Variants in KAZN observed in about 807,000 individuals in gnomAD.
KAZN encodes kazrin.
KAZN carries 40 observed loss-of-function variants against 87.4 expected under a neutral mutation model. The observed-to-expected ratio is 0.46, with a 90% CI of 0.36 to 0.60. The LOEUF (loss-of-function observed/expected upper bound fraction) is 0.60. KAZN is among the 20% of genes least tolerant of loss of function. The pLI is 0.00. For synonymous variants in KAZN, 466 were observed against 458.3 expected (o/e 1.02, Z -0.22); for missense variants, 898 against 1,073.9 (o/e 0.84, Z 2.29).
chr1:14,141,113 A>G (rs1410230029), intron 1 of KAZN, among the ~76,000 whole-genome samples: 2 of 151,996 alleles, frequency 1.3e-5, no homozygotes, highest in Non-Finnish European at 2.9e-5. Context: ...TCTCCTGGCA[A>G]GCTGTTTCTA....
chr1:14,415,471 G>A (rs531935332), intron 2 of KAZN, among the ~76,000 whole-genome samples: 2 of 152,110 alleles, frequency 1.3e-5, no homozygotes, highest in Non-Finnish European at 2.9e-5. Flanking sequence ...GGGTGCTCCA[G>A]CTGATTTCCA....
At chr1:14,671,747 C>A (rs1639929916) in intron 1 of KAZN, among the ~76,000 whole-genome samples, 1 of 152,170 alleles carries the variant, frequency 6.6e-6, no homozygotes, top group Non-Finnish European at 1.5e-5. Context: ...GTTTATATCT[C>A]TTTTCAATTC....
intron 2 of KAZN, among the ~76,000 whole-genome samples, chr1:14,442,028 G>A (rs1666734567): frequency 6.6e-6 from 1 of 152,208 alleles, no homozygotes; most frequent in Non-Finnish European, 1.5e-5. Flanking sequence ...TGAGGAGCAA[G>A]TGGGAGCTGA....
intron 2 of KAZN, among the ~76,000 whole-genome samples, chr1:15,007,062 A>G (rs1669091672): frequency 6.9e-6 from 1 of 145,336 alleles, no homozygotes; most frequent in African/African-American, 2.5e-5. Context: ...GTCTCAAAAA[A>G]AAAAAAAAAA....
At chr1:14,168,384 C>T (rs946990286) in intron 1 of KAZN, among the ~76,000 whole-genome samples, 1 of 152,300 alleles carries the variant, frequency 6.6e-6, no homozygotes, top group South Asian at 2.1e-4. Context: ...GAGTTCTTTA[C>T]GGAGTTCTGG....
chr1:15,001,662 C>T (rs925218478), intron 2 of KAZN, among the ~76,000 whole-genome samples: 6 of 151,992 alleles, frequency 3.9e-5, no homozygotes, highest in African/African-American at 1.2e-4. Flanking sequence ...CAAATTCTCT[C>T]CACCCTGAGC....
At chr1:13,974,034 C>T (rs930126535) in intron 1 of KAZN, among the ~76,000 whole-genome samples, 2 of 152,272 alleles carry the variant, frequency 1.3e-5, no homozygotes, top group Non-Finnish European at 2.9e-5. Context: ...TGGTGGAAAC[C>T]AGGCACAAGC....
Position 14,191,577 on chromosome 1 carries a change from C to T in KAZN, c.249+10985C>T, listed in dbSNP as rs187929296. Among the ~76,000 whole-genome samples, 4 of 152,160 alleles carry T rather than the reference C, an allele frequency of 2.6e-5. No individual in the cohort carries two copies. In the South Asian group the frequency reaches 8.3e-4, roughly 32 times the overall value. On this transcript the variant is annotated intron_variant, in intron 2 of 16. Coordinates refer to the KAZN transcript ENST00000636203. ...GAGAGAGTTCCGGGCTCAAGGAACA[C>T]GTCTGGGAGTCATCAGTGTCTCTGC...
chr1:14,012,818 G>C (rs1194396980), intron 1 of KAZN, among the ~76,000 whole-genome samples: 1 of 152,194 alleles, frequency 6.6e-6, no homozygotes, highest in Non-Finnish European at 1.5e-5. Context: ...GGCAAAGAGA[G>C]AACCTGTCTC....
chr1:14,514,619 A>ATATTTTATATATTTTTTTATATTTTT, intron 2 of KAZN, among the ~76,000 whole-genome samples: 1 of 53,156 alleles, frequency 1.9e-5, no homozygotes, highest in African/African-American at 7.4e-5. Flanking sequence ...ATATATATAT[A>ATATTTTATATATTTTTTTATATTTTT]TATATATATA....
rs187697703 is a variant in KAZN at position 14,523,460 on chromosome 1, G to A, written c.250-75523G>A. Among the ~76,000 whole-genome samples, 117 of 152,320 alleles carry A rather than the reference G, an allele frequency of 7.7e-4. 1 individual carries two copies. Among genetic ancestry groups the A allele is most frequent in the Middle Eastern group, 6.8e-3 (2 of 294 alleles). ...GTGGCCTACCAGAGACATGGAAAGG[G>A]CGGAAATAAAGAAAAGCAATGCCCA... On this transcript the variant is annotated intron_variant, in intron 2 of 16. Coordinates refer to the KAZN transcript ENST00000636203.
intron 2 of KAZN, among the ~76,000 whole-genome samples, chr1:14,186,284 T>C (rs921616032): frequency 6.6e-6 from 1 of 152,130 alleles, no homozygotes; most frequent in African/African-American, 2.4e-5. Context: ...GTAAGCAGGA[T>C]ACGAAATAGT....
rs1427589393 is a variant in KAZN, at chr1:14,773,027, CG to C, written c.226+173806del. Among the ~76,000 whole-genome samples the C allele has an allele frequency of 2.0e-5, 3 of 151,780 alleles. No homozygotes were observed. Among genetic ancestry groups the C allele is most frequent in the Admixed American group, 2.0e-4 (3 of 15,242 alleles). On this transcript the variant is annotated intron_variant, in intron 1 of 14. Coordinates refer to ENST00000376030, the MANE Select transcript of KAZN (RefSeq NM_201628.3). The surrounding 1 kb of genome is among the most constrained non-coding windows in gnomAD (Gnocchi z 5.9). ...AGAGAATGGTATGAATGTCCACAGG[CG>C]GCCTCTTCATGGGGGTCTCAGGAAA...
chr1:14,353,717 A>T (rs7527870), intron 2 of KAZN, among the ~76,000 whole-genome samples: 4,114 of 152,314 alleles, frequency 0.027, 187 homozygotes, highest in African/African-American at 0.093. Flanking sequence ...ATATTTGGGG[A>T]TAAGTTTTTT....
rs139784706 is a variant in KAZN, at chr1:14,557,960, A to G, written c.250-41023A>G. ...AACCCCCTCCATTTAGAAGACCCCA[A>G]ACACCTTTGCAGATTTAGCCTGAGC... is the stretch of plus-strand genomic sequence containing the variant. On this transcript the variant is annotated intron_variant, in intron 2 of 16. Coordinates refer to the KAZN transcript ENST00000636203. Among the ~76,000 whole-genome samples the G allele has an allele frequency of 1.8e-3, 278 of 152,302 alleles. 1 individual carries two copies. The highest frequency in any genetic ancestry group is 5.8e-3 in the African/African-American group (241 of 41,560).
At chr1:14,894,435 A>T (rs1655042859) in intron 1 of KAZN, among the ~76,000 whole-genome samples, 1 of 152,242 alleles carries the variant, frequency 6.6e-6, no homozygotes, top group Admixed American at 6.5e-5. Context: ...AAATGGTAAC[A>T]GTCCTCACTG....
At chr1:14,342,650 G>C (rs1310560005) in intron 2 of KAZN, among the ~76,000 whole-genome samples, 2 of 152,140 alleles carry the variant, frequency 1.3e-5, no homozygotes, top group African/African-American at 4.8e-5. Context: ...GCCTGCAATA[G>C]AAACAATAAA....
chr1:14,532,940 T>C (rs749518932), intron 2 of KAZN, among the ~76,000 whole-genome samples: 1 of 152,150 alleles, frequency 6.6e-6, no homozygotes, highest in Non-Finnish European at 1.5e-5. Context: ...TACGTGTGCA[T>C]GTGTCTTTAT....
intron 1 of KAZN, among the ~76,000 whole-genome samples, chr1:14,160,278 G>T (rs750317672): frequency 1.3e-5 from 2 of 152,168 alleles, no homozygotes; most frequent in Non-Finnish European, 2.9e-5. Context: ...TGGCTAGGCT[G>T]GTTTTAATGT....
Sources: allele counts gnomAD v4.1 joint callset (sites outside exome capture counted in the v4.1 genomes callset), GRCh38; gene constraint gnomAD v4.1.1; non-coding constraint Gnocchi (gnomAD v3.1); transcripts MANE v1.5; gene names NCBI Gene and HGNC (gene_info 2026-07-23, HGNC 2026-07-21).